Variants in ZNF521 observed in about 807,000 individuals in gnomAD.
The protein encoded by ZNF521 is LYST-interacting protein 3.
ZNF521 carries 14 observed loss-of-function variants against 105.5 expected under a neutral mutation model. The ratio of observed to expected loss-of-function variants is 0.13; its 90% confidence interval spans 0.09 to 0.21. The LOEUF is 0.21. Among genes scored for constraint, ZNF521 ranks in the 10% least tolerant of loss-of-function variants. The pLI, the probability that ZNF521 is intolerant of heterozygous loss-of-function variation, is 1.00. For missense variants in ZNF521, 1,233 were observed against 1,629.7 expected, an observed-to-expected ratio of 0.76 and a Z score of 4.19; for synonymous variants, 635 against 606.0, an observed-to-expected ratio of 1.05 and a Z score of -0.70.
chr18:25,303,385 C>T (rs1488847329), intron 3 of ZNF521, among the ~76,000 whole-genome samples: 3 of 151,870 alleles, frequency 2.0e-5, no homozygotes, highest in Non-Finnish European at 4.4e-5. Context: ...GCAACCTCCG[C>T]CTTCTGGGTT....
intron 5 of ZNF521, among the ~76,000 whole-genome samples, chr18:25,146,053 T>A (rs1039965801): frequency 8.5e-5 from 13 of 152,190 alleles, no homozygotes; most frequent in African/African-American, 2.7e-4. Context: ...TACTTCAACC[T>A]TCAAACAACC....
At chr18:25,074,359 TAAATAAA>T (rs2033307670) in intron 7 of ZNF521, among the ~76,000 whole-genome samples, 1 of 152,204 alleles carries the variant, frequency 6.6e-6, no homozygotes, top group South Asian at 2.1e-4. Context: ...TCCCCTACTT[TAAATAAA>T]AAACCCAAGT....
At chr18:25,315,930 CATAGAAT>C (rs1912586062) in intron 3 of ZNF521, 1 of 152,198 alleles carries the variant, frequency 6.6e-6, no homozygotes, top group Non-Finnish European at 1.5e-5. Context: ...GGCATCAGCA[CATAGAAT>C]ATATCCCTTT....
intron 5 of ZNF521, among the ~76,000 whole-genome samples, chr18:25,149,527 G>C (rs960006983): frequency 6.6e-6 from 1 of 152,092 alleles, no homozygotes; most frequent in Admixed American, 6.6e-5. Context: ...CTTTATATTG[G>C]CTCATGTTTA....
intron 2 of ZNF521, among the ~76,000 whole-genome samples, chr18:25,331,965 T>C (rs1033336598): frequency 3.3e-5 from 5 of 149,764 alleles, no homozygotes; most frequent in Admixed American, 6.7e-5. Context: ...ACAAGAACAA[T>C]TGGATTTGTC....
At chr18:25,142,670 A>T (rs776864746) in intron 5 of ZNF521, among the ~76,000 whole-genome samples, 4 of 152,168 alleles carry the variant, frequency 2.6e-5, no homozygotes, top group Non-Finnish European at 5.9e-5. Context: ...GAGCCAGCTC[A>T]CTACAAAATG....
intron 2 of ZNF521, among the ~76,000 whole-genome samples, chr18:25,335,840 C>T (rs1913848290): frequency 6.6e-6 from 1 of 152,132 alleles, no homozygotes; most frequent in Admixed American, 6.5e-5. Flanking sequence ...AAGTGAATGC[C>T]AAGGTCAACC....
At chr18:25,310,625 T>C (rs534077723) in intron 3 of ZNF521, among the ~76,000 whole-genome samples, 14 of 152,288 alleles carry the variant, frequency 9.2e-5, no homozygotes, top group Admixed American at 7.2e-4. Flanking sequence ...TTGTGTTTAA[T>C]AGAGGACATA....
rs1285979286 is a variant in ZNF521, at chr18:25,062,326, A to G, written c.*386T>C. ...AAAGAGAAATTCTAGGCTTAAGTGT[A>G]AAGAAAAGGAAGTCCAACCATAGTC... On this transcript the variant is annotated 3_prime_UTR_variant, in exon 8 of 8. Coordinates refer to ENST00000361524, the MANE Select transcript of ZNF521 (RefSeq NM_015461.3). 1 of 246,614 alleles carries G rather than the reference A, an allele frequency of 4.1e-6. No individual in the cohort carries two copies. The highest frequency in any genetic ancestry group is 7.8e-6 in the Non-Finnish European group (1 of 128,854). The allele number at this position is 246,614 out of a possible 1,614,324, so 15.3% of individuals were successfully genotyped here.
chr18:25,117,422 A>G (rs985283045), intron 5 of ZNF521, among the ~76,000 whole-genome samples: 3 of 152,160 alleles, frequency 2.0e-5, no homozygotes, highest in African/African-American at 7.2e-5. Context: ...CAAAGAAAAT[A>G]GACAATGTGA....
At chr18:25,212,811 A>G (rs1359911909) in intron 4 of ZNF521, among the ~76,000 whole-genome samples, 1 of 150,942 alleles carries the variant, frequency 6.6e-6, no homozygotes, top group Non-Finnish European at 1.5e-5. Context: ...TTTTCTCCCT[A>G]TCATAAGTAG....
chr18:25,292,129 G>A (rs1228978374), intron 3 of ZNF521, among the ~76,000 whole-genome samples: 1 of 152,052 alleles, frequency 6.6e-6, no homozygotes, highest in Non-Finnish European at 1.5e-5. Flanking sequence ...GAAAACACAG[G>A]GCAAGTCTTT....
chr18:25,332,706 T>C (rs1026867535), intron 2 of ZNF521, among the ~76,000 whole-genome samples: 2 of 152,322 alleles, frequency 1.3e-5, no homozygotes, highest in East Asian at 3.9e-4. Flanking sequence ...GGTGTCCATA[T>C]GAGTCTAATG....
chr18:25,160,480 T>C (rs2035230519), intron 5 of ZNF521, among the ~76,000 whole-genome samples: 1 of 152,200 alleles, frequency 6.6e-6, no homozygotes, highest in Non-Finnish European at 1.5e-5. Flanking sequence ...TCATGGATTC[T>C]TTCATACATG....
At chr18:25,168,342 G>C (rs2035385494) in intron 5 of ZNF521, among the ~76,000 whole-genome samples, 1 of 152,104 alleles carries the variant, frequency 6.6e-6, no homozygotes, top group Non-Finnish European at 1.5e-5. Context: ...GAAACTGTTG[G>C]CTCCACATAC....
intron 7 of ZNF521, among the ~76,000 whole-genome samples, chr18:25,078,887 G>T (rs1365804257): frequency 5.9e-5 from 9 of 152,206 alleles, no homozygotes; most frequent in Admixed American, 5.9e-4. Context: ...GAGGGCGGGG[G>T]AGGTGGGAGA....
chr18:25,130,223 A>G (rs2034614981), intron 5 of ZNF521, among the ~76,000 whole-genome samples: 1 of 152,240 alleles, frequency 6.6e-6, no homozygotes. Context: ...ATTGTAAGTA[A>G]AAGAAGCCAG....
chr18:25,205,125 G>C (rs1395828787), intron 4 of ZNF521, among the ~76,000 whole-genome samples: 2 of 96,336 alleles, frequency 2.1e-5, no homozygotes, highest in East Asian at 3.5e-4. Flanking sequence ...AGACTAAATT[G>C]ATGCCGTAGT....
intron 3 of ZNF521, among the ~76,000 whole-genome samples, chr18:25,268,210 C>G (rs1909404166): frequency 6.6e-6 from 1 of 152,038 alleles, no homozygotes; most frequent in South Asian, 2.1e-4. Context: ...TGATGAAATA[C>G]AGCAAGAAGA....
Sources: allele counts gnomAD v4.1 joint callset (sites outside exome capture counted in the v4.1 genomes callset), GRCh38; gene constraint gnomAD v4.1.1; transcripts MANE v1.5; gene names NCBI Gene and HGNC (gene_info 2026-07-23, HGNC 2026-07-21).